PARD3B: variants seen among roughly 807,000 people sequenced by gnomAD.
PARD3B encodes par-3 family cell polarity regulator beta, also known as partitioning defective 3 homolog B.
A neutral mutation model predicts 130.2 loss-of-function variants in PARD3B; 103 were observed. The ratio of observed to expected loss-of-function variants is 0.79; its 90% CI spans 0.67 to 0.93. PARD3B has a LOEUF of 0.93. Among genes scored for constraint, PARD3B ranks in the 40% least tolerant of loss-of-function variants. The pLI, the probability that PARD3B is intolerant of heterozygous loss-of-function variation, is 0.00. For missense variants in PARD3B, 1,609 were observed against 1,499.2 expected, an observed-to-expected ratio of 1.07 and a Z score of -1.21; for synonymous variants, 583 against 553.2, an observed-to-expected ratio of 1.05 and a Z score of -0.76.
intron 1 of PARD3B, among the ~76,000 whole-genome samples, chr2:204,557,393 A>G (rs1464837096): frequency 1.3e-5 from 2 of 152,000 alleles, no homozygotes; most frequent in African/African-American, 4.8e-5. Flanking sequence ...CACCTCCCTC[A>G]TATTCCACCA....
chr2:205,047,395 T>A (rs1698870749), intron 3 of PARD3B, among the ~76,000 whole-genome samples, 186 bp from the exon 4 acceptor site: 1 of 152,248 alleles, frequency 6.6e-6, no homozygotes, highest in East Asian at 1.9e-4. Flanking sequence ...AGATTTTGTT[T>A]CCATGTGTCA....
chr2:204,601,532 A>G (rs1465536953), intron 1 of PARD3B, among the ~76,000 whole-genome samples: 4 of 152,124 alleles, frequency 2.6e-5, no homozygotes, highest in East Asian at 1.9e-4. Flanking sequence ...TTTATATGCA[A>G]ATGATATTTT....
chr2:205,435,252 C>T (rs1397973391), intron 19 of PARD3B, among the ~76,000 whole-genome samples: 1 of 152,016 alleles, frequency 6.6e-6, no homozygotes, highest in Non-Finnish European at 1.5e-5. Context: ...GTAGTACCCT[C>T]ACCCTTACAT....
intron 9 of PARD3B, 115 bp downstream of exon 9, chr2:205,124,581 A>G (rs1169426105): frequency 1.5e-5 from 11 of 742,012 alleles, no homozygotes; most frequent in Middle Eastern, 5.1e-4. Flanking sequence ...AACCTAATAT[A>G]TATTAAAAAT....
chr2:205,370,866 C>G (rs985502531), intron 18 of PARD3B, among the ~76,000 whole-genome samples: 3 of 152,096 alleles, frequency 2.0e-5, no homozygotes, highest in Admixed American at 6.5e-5. Context: ...TGACAGCTGT[C>G]AACTGTCTGT....
At chr2:205,056,384 G>A (rs1322348002) in intron 4 of PARD3B, among the ~76,000 whole-genome samples, 2 of 151,866 alleles carry the variant, frequency 1.3e-5, no homozygotes, top group Admixed American at 6.6e-5. Context: ...CCATTTAGAT[G>A]AATCACATTT....
intron 2 of PARD3B, among the ~76,000 whole-genome samples, chr2:204,846,150 G>A (rs2044454022): frequency 6.6e-6 from 1 of 152,102 alleles, no homozygotes; most frequent in African/African-American, 2.4e-5. Context: ...TTGACAAGAT[G>A]CTCATGCTCA....
intron 3 of PARD3B, among the ~76,000 whole-genome samples, chr2:204,997,087 G>A (rs1458809180): frequency 6.6e-6 from 1 of 152,116 alleles, no homozygotes; most frequent in East Asian, 1.9e-4. Context: ...GTTCCTATTC[G>A]GCCATCTTGG....
rs2029879594 is a variant in PARD3B, at chr2:205,116,917, G to A, written c.681-2004G>A. Reference sequence around the variant, plus strand: ...ACATAGCATACTCCAGCTGTAATATGCCAGCTAAATTGCAACCCAGTGGCC... The same window carrying A: ...ACATAGCATACTCCAGCTGTAATATACCAGCTAAATTGCAACCCAGTGGCC... On this transcript the variant is annotated intron_variant, in intron 6 of 22. Transcript: ENST00000406610. This position sits in a 1 kb window ranked among gnomAD's most constrained non-coding sequence, Gnocchi z 4.5. Among the ~76,000 whole-genome samples, 2 of 152,120 alleles carry A rather than the reference G, an allele frequency of 1.3e-5. No homozygotes were observed. Among genetic ancestry groups the A allele is most frequent in the African/African-American group, 4.8e-5 (2 of 41,406 alleles).
chr2:204,831,028 T>G (rs542372496), intron 2 of PARD3B, among the ~76,000 whole-genome samples: 1 of 152,350 alleles, frequency 6.6e-6, no homozygotes, highest in South Asian at 2.1e-4. Context: ...CTGAGTAAAT[T>G]GAATGCTTAT....
At chr2:204,796,985 G>A (rs1015408405) in intron 2 of PARD3B, among the ~76,000 whole-genome samples, 3 of 151,956 alleles carry the variant, frequency 2.0e-5, no homozygotes, top group African/African-American at 7.3e-5. Flanking sequence ...GACCAGCCTG[G>A]CCAATATGGT....
At chr2:204,797,184 A>G (rs1437813892) in intron 2 of PARD3B, among the ~76,000 whole-genome samples, 4 of 151,862 alleles carry the variant, frequency 2.6e-5, no homozygotes, top group African/African-American at 9.7e-5. Flanking sequence ...CAAAAAAAAA[A>G]AAAAAAAAAA....
rs2125579186 is a variant in PARD3B at position 205,105,785 on chromosome 2, A to C, written c.593+1271A>C. Among the ~76,000 whole-genome samples, 1 of 151,982 alleles carries C rather than the reference A, an allele frequency of 6.6e-6. No individual in the cohort carries two copies. Among genetic ancestry groups the C allele is most frequent in the Non-Finnish European group, 1.5e-5 (1 of 67,944 alleles). ...ACCCTCTCTCTCTCTGAAGAAAAAA[A>C]AAAGGCGGGGGGATATGGGGTAGGG... On this transcript the variant is annotated intron_variant, in intron 5 of 22. Coordinates refer to ENST00000406610, the MANE Select transcript of PARD3B (RefSeq NM_001302769.2). This position sits in a 1 kb window ranked among gnomAD's most constrained non-coding sequence, Gnocchi z 4.0.
intron 2 of PARD3B, among the ~76,000 whole-genome samples, chr2:204,717,329 A>G (rs545515503): frequency 2.0e-5 from 3 of 152,354 alleles, no homozygotes; most frequent in Admixed American, 1.3e-4. Flanking sequence ...ATAATTAATT[A>G]AAAATTGTTA....
At chr2:205,340,217 A>G (rs182381791) in intron 18 of PARD3B, among the ~76,000 whole-genome samples, 20 of 152,232 alleles carry the variant, frequency 1.3e-4, no homozygotes, top group African/African-American at 4.3e-4. Context: ...CTTATACAGT[A>G]TTATTCTGTA....
At chr2:204,548,409 C>G (rs192095784) in intron 1 of PARD3B, among the ~76,000 whole-genome samples, 65 of 152,218 alleles carry the variant, frequency 4.3e-4, no homozygotes, top group African/African-American at 1.5e-3. Flanking sequence ...TCCCAACAAC[C>G]TTAGGAGATA....
At chr2:204,666,300 G>T (rs192340053) in intron 1 of PARD3B, among the ~76,000 whole-genome samples, 1 of 152,294 alleles carries the variant, frequency 6.6e-6, no homozygotes, top group African/African-American at 2.4e-5. Context: ...ACTGAGGAAG[G>T]ATTCATATGT....
At chr2:205,598,673 C>T (rs79136998) in intron 22 of PARD3B, among the ~76,000 whole-genome samples, 2,249 of 152,266 alleles carry the variant, frequency 0.015, 51 homozygotes, top group African/African-American at 0.05. Context: ...GCATTCTTCT[C>T]ATCTGCACAG....
chr2:205,433,206 AT>A (rs1316392782), intron 19 of PARD3B, among the ~76,000 whole-genome samples: 1 of 152,164 alleles, frequency 6.6e-6, no homozygotes, highest in African/African-American at 2.4e-5. Flanking sequence ...TATAATCAGC[AT>A]TTTTGCCTTT....
Sources: gnomAD v4.1 joint callset for allele counts (sites outside exome capture counted in the v4.1 genomes callset) on GRCh38, gnomAD v4.1.1 for gene constraint, Gnocchi (gnomAD v3.1) non-coding constraint, MANE v1.5 for transcripts, NCBI Gene and HGNC (gene_info 2026-07-23, HGNC 2026-07-21) for gene names.